Variants in SORBS2 observed in about 807,000 individuals in gnomAD.
The protein encoded by SORBS2 is sorbin and SH3 domain-containing protein 2.
A neutral mutation model predicts 97.7 loss-of-function variants in SORBS2; 46 were observed. The ratio of observed to expected loss-of-function variants is 0.47; its 90% CI spans 0.37 to 0.60. SORBS2 has a LOEUF of 0.60. Ranked by LOEUF, SORBS2 falls within the 20% of genes least tolerant of loss-of-function variation. The pLI is 0.00. For missense variants in SORBS2, 1,316 were observed against 1,282.3 expected (o/e 1.03, Z -0.40); for synonymous variants, 476 against 473.4 (o/e 1.01, Z -0.07).
At chr4:185,837,627 C>A (rs924446614) in intron 1 of SORBS2, among the ~76,000 whole-genome samples, 6 of 152,042 alleles carry the variant, frequency 3.9e-5, no homozygotes, top group African/African-American at 1.4e-4. Flanking sequence ...AGAAACGGAA[C>A]CTCTAATACA....
intron 2 of SORBS2, among the ~76,000 whole-genome samples, chr4:185,688,787 T>C (rs1384444642): frequency 8.4e-6 from 1 of 119,564 alleles, no homozygotes; most frequent in African/African-American, 2.6e-5. Flanking sequence ...GGTATGTTTT[T>C]ATAAAAACAT....
At chr4:185,741,472 C>T (rs894101516) in intron 2 of SORBS2, among the ~76,000 whole-genome samples, 7 of 132,116 alleles carry the variant, frequency 5.3e-5, no homozygotes, top group Middle Eastern at 5.0e-3. Flanking sequence ...GGCATGATCT[C>T]GGCTCACTGC....
intron 2 of SORBS2, among the ~76,000 whole-genome samples, chr4:185,767,257 G>A (rs1020317146): frequency 6.6e-6 from 1 of 151,840 alleles, no homozygotes; most frequent in East Asian, 1.9e-4. Context: ...CCAGCACTTT[G>A]GGAGGCCGAG....
intron 1 of SORBS2, among the ~76,000 whole-genome samples, chr4:185,920,629 C>A (rs1336219284): frequency 1.3e-5 from 2 of 152,152 alleles, no homozygotes; most frequent in Non-Finnish European, 2.9e-5. Flanking sequence ...TTAAATCTTG[C>A]ATGTTTTTAC....
At chr4:185,648,151 G>A (rs1014672986) in intron 3 of SORBS2, among the ~76,000 whole-genome samples, 2 of 151,342 alleles carry the variant, frequency 1.3e-5, no homozygotes, top group Non-Finnish European at 2.9e-5. Context: ...TAGTGAAGAT[G>A]GGATTTCGCC....
intron 1 of SORBS2, among the ~76,000 whole-genome samples, chr4:185,838,022 A>T (rs142004108): frequency 1.3e-5 from 2 of 152,174 alleles, no homozygotes; most frequent in African/African-American, 4.8e-5. Flanking sequence ...CTGTGTCCCT[A>T]CTGAAGTTCT....
chr4:185,730,731 C>A (rs2098612959), intron 2 of SORBS2, among the ~76,000 whole-genome samples: 1 of 152,202 alleles, frequency 6.6e-6, no homozygotes, highest in Admixed American at 6.5e-5. Flanking sequence ...AACAGGTCAG[C>A]CCCTAGAGTC....
At chr4:185,616,680 T>G (rs2096632431) in intron 9 of SORBS2, among the ~76,000 whole-genome samples, 1 of 152,208 alleles carries the variant, frequency 6.6e-6, no homozygotes, top group South Asian at 2.1e-4. Context: ...CTCTTAAGTT[T>G]TCAAAACTGT....
At chr4:185,904,234 T>A (rs556138382) in intron 1 of SORBS2, among the ~76,000 whole-genome samples, 1 of 152,334 alleles carries the variant, frequency 6.6e-6, no homozygotes, top group South Asian at 2.1e-4. Context: ...CCTTACAGTA[T>A]AAGAGCAGCA....
At chr4:185,756,719 C>CTTTTTTTTTTTTTTTTTT (rs56955640) in intron 2 of SORBS2, among the ~76,000 whole-genome samples, 1 of 131,598 alleles carries the variant, frequency 7.6e-6, no homozygotes, top group Non-Finnish European at 1.6e-5. Flanking sequence ...ACTGTTAAAG[C>CTTTTTTTTTTTTTTTTTT]TTTTTTTTTT....
chr4:185,704,025 A>G (rs2098303448), intron 2 of SORBS2, among the ~76,000 whole-genome samples: 1 of 152,228 alleles, frequency 6.6e-6, no homozygotes, highest in Non-Finnish European at 1.5e-5. Context: ...TCTAACATCA[A>G]TTCATATGGA....
At chr4:185,745,120 C>T (rs79127732) in intron 2 of SORBS2, among the ~76,000 whole-genome samples, 1 of 152,120 alleles carries the variant, frequency 6.6e-6, no homozygotes, top group Non-Finnish European at 1.5e-5. Flanking sequence ...GGTGGGCATA[C>T]AGGCAGTGAG....
At chr4:185,646,700 C>G in exon 4 of SORBS2, 1 of 1,613,294 alleles carries the variant, frequency 6.2e-7, no homozygotes, top group Non-Finnish European at 8.5e-7. Context: ...GATGACTTGC[C>G]AGGTTCATAT....
intron 1 of SORBS2, among the ~76,000 whole-genome samples, chr4:185,807,839 A>G (rs1320040404): frequency 6.6e-6 from 1 of 152,246 alleles, no homozygotes; most frequent in East Asian, 1.9e-4. Flanking sequence ...ACTTCCAGAA[A>G]ATTATCTAAT....
At chr4:185,663,948 G>T (rs1244476136) in intron 4 of SORBS2, among the ~76,000 whole-genome samples, 5 of 143,928 alleles carry the variant, frequency 3.5e-5, no homozygotes, top group Non-Finnish European at 3.0e-5. Flanking sequence ...TCCGCCTCCC[G>T]GGTTCATGTC....
At chr4:185,817,969 T>C (rs563491204) in intron 1 of SORBS2, among the ~76,000 whole-genome samples, 10 of 152,074 alleles carry the variant, frequency 6.6e-5, no homozygotes, top group South Asian at 2.1e-4. Context: ...CGTTTTAGGA[T>C]CCAACGGTCC....
intron 1 of SORBS2, among the ~76,000 whole-genome samples, chr4:185,907,842 C>G (rs1203549064): frequency 6.6e-6 from 1 of 152,080 alleles, no homozygotes; most frequent in Non-Finnish European, 1.5e-5. Context: ...TACAAATGTG[C>G]CTTTGGTTTT....
intron 2 of SORBS2, among the ~76,000 whole-genome samples, chr4:185,694,949 C>A (rs2098154854): frequency 6.6e-6 from 1 of 151,866 alleles, no homozygotes. Context: ...TTGTGATCCT[C>A]CCGCCTCAGC....
chr4:185,868,408 G>A (rs973077343), intron 1 of SORBS2, among the ~76,000 whole-genome samples: 7 of 151,228 alleles, frequency 4.6e-5, no homozygotes, highest in East Asian at 1.9e-4. Context: ...CACCCACCTC[G>A]GCCTCCCAAA....
Sources: allele counts gnomAD v4.1 joint callset (sites outside exome capture counted in the v4.1 genomes callset), GRCh38; gene constraint gnomAD v4.1.1; transcripts MANE v1.5; gene names NCBI Gene and HGNC (gene_info 2026-07-23, HGNC 2026-07-21).